The following APTX variants were observed in gnomAD, a reference collection of about 807,000 sequenced individuals.
The protein encoded by APTX is aprataxin, also known as forkhead-associated domain histidine triad-like protein.
Under a neutral mutation model 42.3 loss-of-function variants are expected in APTX, and 33 were observed. The observed-to-expected ratio is 0.78, with a 90% CI of 0.59 to 1.04. APTX has a LOEUF of 1.04. Ranked by LOEUF, APTX falls within the 50% of genes least tolerant of loss-of-function variation. APTX has a pLI of 0.00. For synonymous variants in APTX, 130 were observed against 146.7 expected (o/e 0.89, Z 0.82); for missense variants, 421 against 415.1 (o/e 1.01, Z -0.12).
At position 32,973,761 on chromosome 9, in the gene APTX, C is replaced by A. The variant is rs553729102; in HGVS notation, c.875-109G>T. 45 of 1,420,092 alleles carry A rather than the reference C, an allele frequency of 3.2e-5. No individual in the cohort carries two copies. In the South Asian group the frequency reaches 4.8e-4, roughly 15 times the overall value. The allele number at this position is 1,420,092 out of a possible 1,614,324, so 88.0% of individuals were successfully genotyped here. A position where few individuals can be genotyped will look rare whatever the true frequency, so the allele number is the denominator to read the frequency against. ...ACGTGACTCCAATCAGTATGCCAGG[C>A]CAGGTATTCTACAGCTCCGTAAGCT... On this transcript the variant is annotated intron_variant, in intron 7 of 7. Transcript: ENST00000379817.
At chr9:32,998,800 T>C (rs764008419) in intron 1 of APTX, among the ~76,000 whole-genome samples, 3 of 151,476 alleles carry the variant, frequency 2.0e-5, no homozygotes, top group Non-Finnish European at 4.4e-5. Context: ...AGCAAACCAC[T>C]ATGGCACTTA....
intron 1 of APTX, chr9:33,024,866 G>GA (rs995382896): frequency 1.2e-5 from 1 of 86,914 alleles, no homozygotes; most frequent in Admixed American, 1.1e-4. Context: ...GTAAGAGGGG[G>GA]GGGGGGGGGG....
intron 6 of APTX, among the ~76,000 whole-genome samples, chr9:32,978,752 G>A (rs1830032179): frequency 6.6e-6 from 1 of 152,136 alleles, no homozygotes; most frequent in Non-Finnish European, 1.5e-5. Flanking sequence ...CAATATCCAT[G>A]GTGGGGGACA....
chr9:33,019,607 T>G (rs765182256), intron 1 of APTX: 1 of 380,994 alleles, frequency 2.6e-6, no homozygotes, highest in Non-Finnish European at 4.9e-6. Flanking sequence ...CCCGGGAAAG[T>G]AGCAACTGTG....
At chr9:32,979,037 G>A (rs1190963164) in intron 6 of APTX, among the ~76,000 whole-genome samples, 2 of 151,950 alleles carry the variant, frequency 1.3e-5, no homozygotes, top group African/African-American at 2.4e-5. Flanking sequence ...TTTAATATAG[G>A]TAACTTTTTA....
intron 1 of APTX, chr9:33,024,859 A>AGGG (rs776208094): frequency 2.9e-4 from 2 of 6,834 alleles, no homozygotes; most frequent in African/African-American, 5.0e-4. Flanking sequence ...GGCGCCCGTA[A>AGGG]GAGGGGGGGG....
chr9:32,984,787 A>G lies in APTX; in HGVS notation c.614T>C (p.Leu205Ser). The change falls in exon 6 of 8, where the codon TTA (leucine) becomes TCA (serine). Residue 205 changes from leucine to serine, a missense_variant. Physicochemically the swap from Leu to Ser is moderately radical, Grantham distance 145. Transcript: ENST00000379817. ...CAGACTGGAAATGGAGGTCCACGGT[A>G]AGACCAGCCAATGGTAACGGGCCTT... ...YPKARYHWLV[L>S]PWTSISSLKA... 1 of 1,614,226 alleles carries G rather than the reference A, an allele frequency of 6.2e-7. No individual in the cohort carries two copies. The highest frequency in any genetic ancestry group is 8.5e-7 in the Non-Finnish European group (1 of 1,180,020).
intron 1 of APTX, among the ~76,000 whole-genome samples, chr9:33,011,296 T>TTG (rs150923390): frequency 0.07 from 10,692 of 151,920 alleles, 506 homozygotes; most frequent in Non-Finnish European, 0.11. Context: ...ATATTTTTTT[T>TTG]TTTTGTTTTG....
At chr9:33,019,761 C>T (rs1413852351) in intron 1 of APTX, 4 of 592,988 alleles carry the variant, frequency 6.7e-6, no homozygotes, top group East Asian at 3.4e-5. Flanking sequence ...GAAAGATGGT[C>T]GAGAAAGTTG....
At chr9:33,009,183 G>A (rs1319873415) in intron 1 of APTX, among the ~76,000 whole-genome samples, 4 of 152,154 alleles carry the variant, frequency 2.6e-5, no homozygotes, top group Admixed American at 2.0e-4. Flanking sequence ...TTGGTGGTTT[G>A]TGGAAAATTT....
upstream of APTX, among the ~76,000 whole-genome samples, chr9:33,005,889 G>A (rs1196701932): frequency 3.3e-5 from 5 of 152,150 alleles, no homozygotes; most frequent in African/African-American, 1.2e-4. Context: ...AATCATTTAT[G>A]CAAGGATTTA....
chr9:33,010,844 A>G (rs925761189), intron 1 of APTX, among the ~76,000 whole-genome samples: 10 of 152,272 alleles, frequency 6.6e-5, no homozygotes, highest in Admixed American at 4.6e-4. Context: ...AGTGGGATAT[A>G]GAAAGTGGTG....
intron 6 of APTX, among the ~76,000 whole-genome samples, chr9:32,977,419 G>C (rs1829684437): frequency 6.6e-6 from 1 of 152,202 alleles, no homozygotes; most frequent in South Asian, 2.1e-4. Context: ...AGGAGTTCAA[G>C]GCCGCAGTGA....
chr9:33,000,894 C>A (rs367604699), intron 1 of APTX, among the ~76,000 whole-genome samples: 4 of 130,636 alleles, frequency 3.1e-5, no homozygotes, highest in East Asian at 2.4e-4. Context: ...CATGCCCAGG[C>A]TGGAGTGCAA....
chr9:33,008,744 G>A (rs142809707), intron 1 of APTX, among the ~76,000 whole-genome samples: 3,309 of 152,096 alleles, frequency 0.022, 47 homozygotes, highest in Non-Finnish European at 0.031. Context: ...TAGAGATGGG[G>A]TTTTGCCATG....
At chr9:32,987,933 T>C (rs1832589545) in intron 3 of APTX, 87 bp from the exon 4 acceptor site, 3 of 1,548,076 alleles carry the variant, frequency 1.9e-6, no homozygotes, top group Non-Finnish European at 2.7e-6. Context: ...CCACTTACTA[T>C]ATGCCAAGCA....
chr9:32,997,305 C>T (rs909180001), intron 1 of APTX: 4 of 152,032 alleles, frequency 2.6e-5, no homozygotes, highest in African/African-American at 7.3e-5. Flanking sequence ...GGGTTCAAGT[C>T]CAGCTTGGGC....
At chr9:32,996,364 T>A (rs1236986820) in intron 1 of APTX, among the ~76,000 whole-genome samples, 1 of 151,862 alleles carries the variant, frequency 6.6e-6, no homozygotes, top group Non-Finnish European at 1.5e-5. Context: ...AGCCTCAACT[T>A]CCTTGGGCTA....
intron 6 of APTX, 35 bp from the exon 7 acceptor site, chr9:32,974,596 CTT>C (rs748032222): frequency 3.5e-6 from 4 of 1,138,256 alleles, no homozygotes; most frequent in Non-Finnish European, 4.0e-6. Context: ...GCATTAAACT[CTT>C]TAACAACTAT....
Sources: gnomAD v4.1 joint callset for allele counts (sites outside exome capture counted in the v4.1 genomes callset) on GRCh38, gnomAD v4.1.1 for gene constraint, MANE v1.5 for transcripts, NCBI Gene and HGNC (gene_info 2026-07-23, HGNC 2026-07-21) for gene names.